The following ZDHHC6 variants were observed in gnomAD, a reference collection of about 807,000 sequenced individuals.
ZDHHC6 encodes the protein palmitoyltransferase ZDHHC6.
In ZDHHC6, 32 loss-of-function variants were observed where a neutral mutation model predicts 57.8. That is an observed-to-expected ratio of 0.55 (90% CI 0.42 to 0.74). The LOEUF (loss-of-function observed/expected upper bound fraction) is 0.74. Ranked by LOEUF, ZDHHC6 falls within the 30% of genes least tolerant of loss-of-function variation. The pLI is 0.00. For synonymous variants in ZDHHC6, 128 were observed against 158.0 expected (o/e 0.81, Z 1.42); for missense variants, 433 against 500.7 (o/e 0.86, Z 1.29).
downstream of ZDHHC6, among the ~76,000 whole-genome samples, chr10:112,428,768 C>T (rs1374377989): frequency 3.4e-5 from 1 of 29,504 alleles, no homozygotes; most frequent in African/African-American, 1.4e-4. Context: ...GAGACTCTGT[C>T]TCAAAAAAAA....
chr10:112,429,903 C>A (rs73363063), downstream of ZDHHC6, among the ~76,000 whole-genome samples: 696 of 143,876 alleles, frequency 4.8e-3, 3 homozygotes, highest in African/African-American at 0.017. Context: ...TCACAGCACC[C>A]GGGCTTGGCC....
Position 112,445,639 on chromosome 10 carries a change from C to T in ZDHHC6, c.-203G>A, listed in dbSNP as rs1846587763. 5 of 608,518 alleles carry T rather than the reference C, an allele frequency of 8.2e-6. No homozygotes were observed. The highest frequency in any genetic ancestry group is 1.8e-5 in the African/African-American group (1 of 54,668). The allele number at this position is 608,518 out of a possible 1,614,324, so 37.7% of individuals were successfully genotyped here. A position where few individuals can be genotyped will look rare whatever the true frequency, so the allele number is the denominator to read the frequency against. On this transcript the variant is annotated 5_prime_UTR_variant, in exon 2 of 11. Coordinates refer to ENST00000369405, the MANE Select transcript of ZDHHC6 (RefSeq NM_022494.3). ...AACTAGGAGAATCCAGTGTCTTGGT[C>T]TGAAACCCAACCTAAAGAAAACAAA...
downstream of ZDHHC6, chr10:112,426,209 C>G (rs778277666): frequency 2.8e-6 from 4 of 1,439,276 alleles, no homozygotes; most frequent in South Asian, 3.5e-5. Flanking sequence ...GGGGGACATC[C>G]CTACATAACT....
chr10:112,427,136 T>G (rs1423928292), downstream of ZDHHC6: 2 of 1,433,908 alleles, frequency 1.4e-6, no homozygotes, highest in African/African-American at 2.9e-5. Flanking sequence ...TCAACCTCAC[T>G]TTCTTCACAG....
At chr10:112,433,121 A>C in intron 8 of ZDHHC6, 119 bp downstream of exon 8, 1 of 737,890 alleles carries the variant, frequency 1.4e-6, no homozygotes, top group Non-Finnish European at 2.0e-6. Flanking sequence ...AAATGTATTA[A>C]GGAATACTAT....
At chr10:112,429,918 C>T (rs1027363286), downstream of ZDHHC6, among the ~76,000 whole-genome samples, 5 of 145,182 alleles carry the variant, frequency 3.4e-5, no homozygotes, top group Admixed American at 2.8e-4. Flanking sequence ...TTGGCCTCAC[C>T]TTTGCTCCAG....
downstream of ZDHHC6, among the ~76,000 whole-genome samples, chr10:112,429,289 A>G (rs1325008147): frequency 6.6e-6 from 1 of 152,026 alleles, no homozygotes; most frequent in East Asian, 1.9e-4. Flanking sequence ...GCTGAACCTC[A>G]CTAGTTACCT....
At chr10:112,432,197 G>A (rs1269202664) in intron 10 of ZDHHC6, 43 bp downstream of exon 10, 2 of 1,553,452 alleles carry the variant, frequency 1.3e-6, no homozygotes, top group Admixed American at 4.3e-5. Flanking sequence ...TGGAATTATT[G>A]CTAATAGTCT....
At chr10:112,443,422 T>G in intron 3 of ZDHHC6, 93 bp downstream of exon 3, 1 of 1,049,508 alleles carries the variant, frequency 9.5e-7, no homozygotes, top group Non-Finnish European at 1.4e-6. Context: ...AACCTTGCAG[T>G]GAATAGAAGT....
Position 112,445,738 on chromosome 10 carries a change from C to A in ZDHHC6, c.-214-88G>T, listed in dbSNP as rs1188741101. On this transcript the variant is annotated intron_variant, in intron 1 of 10. Coordinates refer to ENST00000369405, the MANE Select transcript of ZDHHC6 (RefSeq NM_022494.3). ...CCATACTTGTTAACTACAATAAACACCTACACAACAGCATCTCACAAGTGC... is the reference window on the plus strand; with the variant it reads ...CCATACTTGTTAACTACAATAAACAACTACACAACAGCATCTCACAAGTGC... 6.3e-6 allele frequency: 3 copies of A among 474,050 alleles called. No homozygotes were observed. The South Asian group carries it at 1.6e-4, about 25-fold the overall frequency. 29.4% of individuals were successfully genotyped at this position (474,050 alleles called of 1,614,324 possible).
intron 5 of ZDHHC6, among the ~76,000 whole-genome samples, chr10:112,439,192 A>T (rs1845832447): frequency 1.3e-5 from 2 of 152,136 alleles, no homozygotes; most frequent in South Asian, 4.1e-4. Flanking sequence ...TCTGTCACAA[A>T]CAAACAAACA....
In ZDHHC6 at chr10:112,432,261, G is replaced by T. The variant is rs1845116159; in HGVS notation, c.1117C>A (p.Leu373Ile). The change falls in exon 10 of 11, where the codon CTT becomes ATT. Residue 373 changes from leucine to isoleucine, a missense_variant. Leu to Ile is a conservative substitution (Grantham distance 5). Transcript: ENST00000369405. ...ATACCTTCTATAAAGGAATCATCAA[G>T]AATTTTGTCTCCATATAACCAGTAT... ...LRYWLYGDKI[L>I]DDSFIEGVSR... 1 of 1,607,304 alleles carries T rather than the reference G, an allele frequency of 6.2e-7. No homozygotes were observed. The highest frequency in any genetic ancestry group is 8.5e-7 in the Non-Finnish European group (1 of 1,178,320).
intron 3 of ZDHHC6, among the ~76,000 whole-genome samples, chr10:112,442,724 C>CA (rs2133919090): frequency 6.6e-6 from 1 of 152,288 alleles, no homozygotes; most frequent in African/African-American, 2.4e-5. Flanking sequence ...AAGTGACCTA[C>CA]AATAGAGACT....
upstream of ZDHHC6, chr10:112,447,551 C>G (rs746070427): frequency 2.7e-4 from 397 of 1,474,004 alleles, 1 homozygote; most frequent in Non-Finnish European, 3.4e-4. Flanking sequence ...GTAAGTGTGT[C>G]TATGAGGCGC....
chr10:112,433,308 A>C, intron 7 of ZDHHC6, 27 bp from the exon 8 acceptor site: 5 of 1,546,858 alleles, frequency 3.2e-6, no homozygotes, highest in Non-Finnish European at 4.3e-6. Flanking sequence ...AAAAGAAAAA[A>C]ATGAAGTCTC....
At position 112,433,241 on chromosome 10, in the gene ZDHHC6, C is replaced by A; in HGVS notation, c.944G>T (p.Ser315Ile). Residue 315 changes from serine to isoleucine, a missense_variant and splice_region_variant, in exon 8 of 11, where the codon AGT becomes ATT. Coordinates refer to ENST00000369405, the MANE Select transcript of ZDHHC6 (RefSeq NM_022494.3). ...LKQKADKRVR[S>I]VRYKVIEDYS... ...TACCACTGCAAAAGAAGTACTTACA[C>A]TTCTGACTCTCTTATCTGCTTTTTG... The A allele has an allele frequency of 6.3e-7, 1 of 1,589,350 alleles. No homozygotes were observed.
At chr10:112,425,596 A>G (rs1218006873), downstream of ZDHHC6, 5 of 129,858 alleles carry the variant, frequency 3.9e-5, no homozygotes, top group African/African-American at 2.9e-4. Context: ...TTATAAAACT[A>G]AAAAAAAAAA....
chr10:112,433,273 C>A lies in ZDHHC6; in HGVS notation c.912G>T (p.Gln304His). ...CTCTCTTATCTGCTTTTTGTTTCAA[C>A]TGTTCTATCTGTTTGGAAGAAATAA... Reference protein sequence around the residue: ...GCHQYSLTIEQLKQKADKRVR... With the variant: ...GCHQYSLTIEHLKQKADKRVR... The change falls in exon 8 of 11, where the codon CAG (glutamine) becomes CAT (histidine). Residue 304 changes from glutamine to histidine, a missense_variant. Gln to His is a conservative substitution (Grantham distance 24). Coordinates refer to ENST00000369405, the MANE Select transcript of ZDHHC6 (RefSeq NM_022494.3). 1.9e-6 allele frequency: 3 copies of A among 1,577,138 alleles called. No individual in the cohort carries two copies. The highest frequency in any genetic ancestry group is 2.6e-6 in the Non-Finnish European group (3 of 1,164,846).
intron 5 of ZDHHC6, 123 bp from the exon 6 acceptor site, chr10:112,438,512 C>G: frequency 1.2e-6 from 1 of 812,434 alleles, no homozygotes; most frequent in Non-Finnish European, 1.7e-6. Flanking sequence ...CCAAGGATAA[C>G]AGAGGTTAAG....
Sources: gnomAD v4.1 joint callset for allele counts (sites outside exome capture counted in the v4.1 genomes callset) on GRCh38, gnomAD v4.1.1 for gene constraint, MANE v1.5 for transcripts, NCBI Gene and HGNC (gene_info 2026-07-23, HGNC 2026-07-21) for gene names.